The following MED13 variants were observed in gnomAD, a reference collection of about 807,000 sequenced individuals.
The protein encoded by MED13 is mediator complex subunit 13.
A neutral mutation model predicts 225.2 loss-of-function variants in MED13; 23 were observed. The ratio of observed to expected loss-of-function variants is 0.10; its 90% CI spans 0.07 to 0.14. MED13 has a LOEUF of 0.14. MED13 is among the 10% of genes least tolerant of loss of function. The pLI is 1.00. For synonymous variants in MED13, 942 were observed against 889.2 expected (o/e 1.06, Z -1.06); for missense variants, 2,197 against 2,594.5 (o/e 0.85, Z 3.33).
intron 26 of MED13, 124 bp downstream of exon 26, chr17:61,955,253 CCTTAA>C (rs1356595077): frequency 2.8e-6 from 2 of 724,420 alleles, no homozygotes; most frequent in Non-Finnish European, 4.2e-6. Flanking sequence ...ATCTCAAGAT[CCTTAA>C]CTTATCACAT....
intron 23 of MED13, among the ~76,000 whole-genome samples, chr17:61,959,892 A>G (rs2079983615): frequency 6.6e-6 from 1 of 151,830 alleles, no homozygotes. Flanking sequence ...ATGCCCAGCT[A>G]ATATTTGTAT....
Position 61,946,342 on chromosome 17 carries a change from G to A in MED13, c.*126C>T, listed in dbSNP as rs575940829. 1.2e-5 allele frequency: 13 copies of A among 1,128,224 alleles called. No homozygotes were observed. In the African/African-American group the frequency reaches 1.7e-4, roughly 15 times the overall value. 69.9% of individuals were successfully genotyped at this position (1,128,224 alleles called of 1,614,324 possible). ...CTCCCCCCAAGTCAAAACAATATTT[G>A]TTGAAGTAATAAGAATTAGACCCCA... On this transcript the variant is annotated 3_prime_UTR_variant, in exon 30 of 30. Transcript: ENST00000397786.
At chr17:62,033,541 T>G (rs2080776121) in intron 5 of MED13, among the ~76,000 whole-genome samples, 1 of 152,254 alleles carries the variant, frequency 6.6e-6, no homozygotes, top group South Asian at 2.1e-4. Flanking sequence ...ATTATTCTTC[T>G]GTTCTCATAA....
Position 61,982,447 on chromosome 17 carries a change from C to T in MED13, c.3556G>A (p.Asp1186Asn), listed in dbSNP as rs777515608. Residue 1186 changes from aspartate (D) to asparagine (N), a missense_variant, in exon 16 of 30, where the codon GAT (aspartate) becomes AAT (asparagine). Physicochemically the swap from Asp to Asn is conservative, Grantham distance 23 (BLOSUM62 1). This residue lies in a region of MED13 where 203 missense variants were observed against 209.7 expected (regional missense o/e 0.97). Coordinates refer to ENST00000397786, the MANE Select transcript of MED13 (RefSeq NM_005121.3). The stretch of plus-strand genomic sequence containing the variant: ...TCTTGTAGCAATAATATCAAATCAT[C>T]AGATAATTTTTCAGATTCCTTTAGT... ...GGLKESEKLSDDLILLLQDQC... is the reference protein window; with the variant it reads ...GGLKESEKLSNDLILLLQDQC... The T allele has an allele frequency of 6.2e-7, 1 of 1,614,226 alleles. No individual in the cohort carries two copies. Among genetic ancestry groups the T allele is most frequent in the East Asian group, 2.2e-5 (1 of 44,888 alleles).
intron 3 of MED13, among the ~76,000 whole-genome samples, chr17:62,039,902 A>G (rs1428046193): frequency 6.6e-6 from 1 of 151,566 alleles, no homozygotes; most frequent in Non-Finnish European, 1.5e-5. Context: ...CCGGCCTGAA[A>G]TTTTTTTTAA....
At chr17:61,967,093 C>T (rs2080065421) in intron 18 of MED13, among the ~76,000 whole-genome samples, 1 of 152,112 alleles carries the variant, frequency 6.6e-6, no homozygotes, top group African/African-American at 2.4e-5. Context: ...TATATTTATA[C>T]ACCTTCTCCC....
At chr17:62,038,431 A>G (rs879638907) in intron 3 of MED13, among the ~76,000 whole-genome samples, 13 of 152,192 alleles carry the variant, frequency 8.5e-5, no homozygotes, top group Non-Finnish European at 1.9e-4. Flanking sequence ...GCATTTTAAA[A>G]TAATTTTAAA....
chr17:62,024,913 T>C (rs1296229511), intron 8 of MED13, among the ~76,000 whole-genome samples: 2 of 152,242 alleles, frequency 1.3e-5, no homozygotes, highest in East Asian at 3.8e-4. Flanking sequence ...CATGCACATT[T>C]TCTTTATCCA....
At chr17:62,043,897 A>C (rs2080876605) in intron 3 of MED13, among the ~76,000 whole-genome samples, 1 of 152,180 alleles carries the variant, frequency 6.6e-6, no homozygotes, top group African/African-American at 2.4e-5. Context: ...GCCTAGTAGA[A>C]AATTTTAAAT....
chr17:62,025,731 T>A (rs1175200205), intron 8 of MED13, among the ~76,000 whole-genome samples: 1 of 152,238 alleles, frequency 6.6e-6, no homozygotes, highest in Admixed American at 6.5e-5. Context: ...TATGGCGAAT[T>A]CATCACTGTT....
intron 3 of MED13, among the ~76,000 whole-genome samples, chr17:62,046,331 A>G (rs2080897634): frequency 6.6e-6 from 1 of 152,252 alleles, no homozygotes; most frequent in South Asian, 2.1e-4. Context: ...AGCAGCATTT[A>G]TCTTTCCAGA....
At chr17:61,955,638 T>A (rs2079936513) in intron 25 of MED13, 42 bp downstream of exon 25, 1 of 1,563,874 alleles carries the variant, frequency 6.4e-7, no homozygotes, top group East Asian at 2.3e-5. Context: ...AAAACTTAAC[T>A]GCATAAAGAA....
At chr17:61,990,429 TCTC>T (rs1272337781) in intron 11 of MED13, among the ~76,000 whole-genome samples, 1 of 151,864 alleles carries the variant, frequency 6.6e-6, no homozygotes, top group African/African-American at 2.4e-5. Context: ...GACTAACAAT[TCTC>T]CTCATACCAG....
chr17:61,972,293 A>C (rs981904406), intron 17 of MED13, among the ~76,000 whole-genome samples: 1 of 152,236 alleles, frequency 6.6e-6, no homozygotes, highest in African/African-American at 2.4e-5. Flanking sequence ...GGTCACAACC[A>C]GCAAATTTCT....
chr17:62,006,025 T>TGA (rs982937367), intron 9 of MED13: 3 of 151,832 alleles, frequency 2.0e-5, no homozygotes, highest in Non-Finnish European at 4.4e-5. Flanking sequence ...GTAGGAAAAA[T>TGA]GAGAGAGAGG....
chr17:61,962,985 T>C lies in MED13; in HGVS notation c.4845-14A>G. ...CGATCCATCGTGCTAAAATTTAAGGTAGAAATGAGACAAAAAGTTGTACTG... is the reference window on the plus strand; with the variant it reads ...CGATCCATCGTGCTAAAATTTAAGGCAGAAATGAGACAAAAAGTTGTACTG... On this transcript the variant is annotated splice_polypyrimidine_tract_variant and intron_variant, in intron 20 of 29. Transcript: ENST00000397786. 1.2e-6 allele frequency: 2 copies of C among 1,612,160 alleles called. No homozygotes were observed. The highest frequency in any genetic ancestry group is 2.7e-5 in the African/African-American group (2 of 74,912).
intron 16 of MED13, among the ~76,000 whole-genome samples, chr17:61,980,325 T>C (rs1438561565): frequency 6.6e-6 from 1 of 152,184 alleles, no homozygotes; most frequent in African/African-American, 2.4e-5. Flanking sequence ...GTCAGCTCCA[T>C]CCTTGTACTA....
At position 61,965,305 on chromosome 17, in the gene MED13, T is replaced by C. The variant is rs774580413; in HGVS notation, c.4545A>G (p.Thr1515=). Residue 1515 remains threonine, a synonymous_variant, in exon 20 of 30, where the codon ACA becomes ACG. Coordinates refer to ENST00000397786, the MANE Select transcript of MED13 (RefSeq NM_005121.3). The part of the protein sequence containing the change: ...TLASAASSTM[T]VTSGVAISTS... ...TAGATATGGCAACACCTGAAGTCAC[T>C]GTCATAGTGCTGCTCGCTGCAGATG... The C allele has an allele frequency of 1.9e-6, 3 of 1,614,232 alleles. No individual in the cohort carries two copies. Among genetic ancestry groups the C allele is most frequent in the Non-Finnish European group, 8.5e-7 (1 of 1,180,038 alleles).
chr17:62,014,042 C>T (rs58707352), intron 8 of MED13, among the ~76,000 whole-genome samples: 2,315 of 151,834 alleles, frequency 0.015, 56 homozygotes, highest in African/African-American at 0.052. Context: ...CTGTCCCACC[C>T]CCCACCAAAA....
Sources: gnomAD v4.1 joint callset for allele counts (sites outside exome capture counted in the v4.1 genomes callset) on GRCh38, gnomAD v4.1.1 for gene constraint, gnomAD v4.1.1 regional missense constraint, MANE v1.5 for transcripts, NCBI Gene and HGNC (gene_info 2026-07-23, HGNC 2026-07-21) for gene names.